CFAP92: variants seen among roughly 807,000 people sequenced by gnomAD.
CFAP92 encodes the protein cilia and flagella associated protein 92 (putative).
A neutral mutation model predicts 106.3 loss-of-function variants in CFAP92; 86 were observed. The observed-to-expected ratio is 0.81, with a 90% CI of 0.68 to 0.97. The LOEUF (loss-of-function observed/expected upper bound fraction) is 0.97. Among genes scored for constraint, CFAP92 ranks in the 50% least tolerant of loss-of-function variants. The probability of loss-of-function intolerance (pLI) is 0.00; values close to 1 mark genes in which losing one functional copy is unlikely to be tolerated. For missense variants in CFAP92, 1,204 were observed against 1,283.8 expected (o/e 0.94, Z 0.95); for synonymous variants, 477 against 506.4 (o/e 0.94, Z 0.78).
Position 128,965,898 on chromosome 3 carries a change from G to A in CFAP92, c.1169-203C>T, listed in dbSNP as rs143370930. ...TGCTAGTTTCTCAAACTGAGGTCCC[G>A]TAAATTCTCTAGAATTGAATTTGTG... On this transcript the variant is annotated intron_variant, in intron 8 of 15. Coordinates refer to ENST00000645291, the MANE Select transcript of CFAP92 (RefSeq NM_001394090.1). 7.0e-4 allele frequency among the ~76,000 whole-genome samples: 107 copies of A among 151,896 alleles called. No individual in the cohort carries two copies. The East Asian group carries it at 0.015, about 22-fold the overall frequency.
intron 15 of CFAP92, chr3:128,912,765 C>T (rs1157066530): frequency 1.3e-6 from 1 of 776,730 alleles, no homozygotes; most frequent in Non-Finnish European, 2.3e-6. Context: ...GGGAGAGCCT[C>T]TTCCAGGTTT....
the CFAP92 span, among the ~76,000 whole-genome samples, chr3:129,013,734 C>G: frequency 6.6e-6 from 1 of 152,224 alleles, no homozygotes; most frequent in Non-Finnish European, 1.5e-5. Context: ...CTCTGATTAG[C>G]TAGACCTGGC....
intron 12 of CFAP92, among the ~76,000 whole-genome samples, chr3:128,918,940 A>ATTTTTTTTTT (rs10573280): frequency 3.8e-5 from 4 of 105,872 alleles, no homozygotes; most frequent in African/African-American, 1.1e-4. Flanking sequence ...CTCAGATTGG[A>ATTTTTTTTTT]TTTTTTTTTT....
chr3:129,014,569 T>C, the CFAP92 span, among the ~76,000 whole-genome samples: 1 of 152,184 alleles, frequency 6.6e-6, no homozygotes, highest in South Asian at 2.1e-4. This position sits in a 1 kb window ranked among gnomAD's most constrained non-coding sequence, Gnocchi z 4.3. Context: ...GATTACCTCA[T>C]TAAAGGTCCC....
At chr3:128,978,282 G>A (rs571915855) in intron 4 of CFAP92, 97 bp from the exon 5 acceptor site, 31 of 1,254,772 alleles carry the variant, frequency 2.5e-5, no homozygotes, top group South Asian at 7.0e-5. Flanking sequence ...CTGGGCGTTC[G>A]GTTTCAGACT....
chr3:128,940,318 C>T (rs746643689), intron 10 of CFAP92, among the ~76,000 whole-genome samples: 1 of 152,136 alleles, frequency 6.6e-6, no homozygotes, highest in Admixed American at 6.5e-5. Flanking sequence ...AGTGTGGATA[C>T]ATGTTTTCAT....
At chr3:129,009,002 T>C in the CFAP92 span, among the ~76,000 whole-genome samples, 1 of 131,166 alleles carries the variant, frequency 7.6e-6, no homozygotes, top group Non-Finnish European at 1.6e-5. Flanking sequence ...TTACTGATTA[T>C]TGGCGGGGTG....
At chr3:129,011,626 G>A in the CFAP92 span, among the ~76,000 whole-genome samples, 1 of 152,172 alleles carries the variant, frequency 6.6e-6, no homozygotes, top group African/African-American at 2.4e-5. Context: ...TCCAGGGCAG[G>A]ATCACAAAGG....
chr3:128,931,124 C>T (rs762979244), intron 12 of CFAP92, among the ~76,000 whole-genome samples: 84 of 152,170 alleles, frequency 5.5e-4, no homozygotes, highest in Admixed American at 2.7e-3. Flanking sequence ...AGGCTGGTTT[C>T]GAACTCCTGG....
chr3:128,920,657 C>T (rs996548238), intron 12 of CFAP92, among the ~76,000 whole-genome samples: 3 of 152,102 alleles, frequency 2.0e-5, no homozygotes, highest in South Asian at 2.1e-4. Context: ...ACATGTCCGG[C>T]GTCCAGGGTC....
intron 9 of CFAP92, among the ~76,000 whole-genome samples, chr3:128,964,846 GC>G (rs1298802479): frequency 2.6e-5 from 4 of 151,580 alleles, no homozygotes; most frequent in Admixed American, 2.0e-4. Context: ...GCTTGAAGCA[GC>G]CCTGAGAAAC....
intron 9 of CFAP92, among the ~76,000 whole-genome samples, chr3:128,946,764 C>A (rs758452245): frequency 2.0e-5 from 3 of 152,006 alleles, no homozygotes; most frequent in Non-Finnish European, 4.4e-5. Context: ...AAGAAAGTTC[C>A]ATTGAACACG....
rs1341239635 is a variant in CFAP92 at position 128,932,839 on chromosome 3, T to C, written c.2612A>G (p.Gln871Arg). The C allele has an allele frequency of 6.5e-6, 10 of 1,536,112 alleles. No individual in the cohort carries two copies. The highest frequency in any genetic ancestry group is 2.0e-5 in the Admixed American group (1 of 50,980). The change falls in exon 12 of 16, where the codon CAG becomes CGG. Residue 871 changes from glutamine to arginine, a missense_variant. By Grantham distance (43) the Gln-to-Arg change is conservative. Coordinates refer to ENST00000645291, the MANE Select transcript of CFAP92 (RefSeq NM_001394090.1). ...TDEKLFALPPQPAPNLEDYHS... is the reference protein window; with the variant it reads ...TDEKLFALPPRPAPNLEDYHS... ...GTAGTCCTCAAGATTGGGGGCAGGC[T>C]GAGGTGGTAGGGCAAACAGTTTCTC... is the stretch of plus-strand genomic sequence containing the variant.
intron 13 of CFAP92, 22 bp from the exon 14 acceptor site, chr3:128,915,585 T>C (rs1576371858): frequency 6.8e-7 from 1 of 1,465,862 alleles, no homozygotes; most frequent in Non-Finnish European, 9.0e-7. Context: ...GGCAGACAGG[T>C]TGGGGTGGAA....
upstream of CFAP92, among the ~76,000 whole-genome samples, chr3:128,996,178 A>G (rs903547373): frequency 6.6e-6 from 1 of 152,214 alleles, no homozygotes; most frequent in African/African-American, 2.4e-5. Context: ...TTCCCAGCCA[A>G]TTGCAGCCTC....
chr3:128,939,831 A>G (rs1174560865), intron 10 of CFAP92, among the ~76,000 whole-genome samples: 3 of 152,194 alleles, frequency 2.0e-5, no homozygotes, highest in Non-Finnish European at 4.4e-5. Context: ...TCGCATGCAC[A>G]GTTCACAAAA....
At chr3:128,913,452 C>A (rs1408175643) in intron 15 of CFAP92, among the ~76,000 whole-genome samples, 1 of 145,802 alleles carries the variant, frequency 6.9e-6, no homozygotes, top group Non-Finnish European at 1.5e-5. Context: ...TTTCTCCAGC[C>A]TCCCTTCTGC....
chr3:128,919,105 G>A (rs943801026), intron 12 of CFAP92, among the ~76,000 whole-genome samples: 6 of 151,770 alleles, frequency 4.0e-5, no homozygotes, highest in African/African-American at 9.7e-5. Flanking sequence ...GTGCCACCAC[G>A]CCTGGCTAAT....
upstream of CFAP92, among the ~76,000 whole-genome samples, chr3:128,998,937 T>C (rs1944581850): frequency 6.6e-6 from 1 of 152,176 alleles, no homozygotes; most frequent in Non-Finnish European, 1.5e-5. Flanking sequence ...CAAAAAGTTC[T>C]TTCATGCCCA....
Sources: gnomAD v4.1 joint callset for allele counts (sites outside exome capture counted in the v4.1 genomes callset) on GRCh38, gnomAD v4.1.1 for gene constraint, Gnocchi (gnomAD v3.1) non-coding constraint, MANE v1.5 for transcripts, NCBI Gene and HGNC (gene_info 2026-07-23, HGNC 2026-07-21) for gene names.